Variants in STOM observed in about 807,000 individuals in gnomAD.
STOM encodes erythrocyte band 7 integral membrane protein.
Under a neutral mutation model 30.6 loss-of-function variants are expected in STOM, and 25 were observed. That is an observed-to-expected ratio of 0.82 (90% CI 0.60 to 1.14). The LOEUF (loss-of-function observed/expected upper bound fraction) is 1.14. Among genes scored for constraint, STOM ranks in the 50% most tolerant of loss-of-function variants. The pLI is 0.00. For missense variants in STOM, 292 were observed against 365.2 expected, an observed-to-expected ratio of 0.80 and a Z score of 1.63; for synonymous variants, 118 against 130.8, an observed-to-expected ratio of 0.90 and a Z score of 0.67.
chr9:121,353,616 T>C (rs925018399), intron 3 of STOM, among the ~76,000 whole-genome samples: 1 of 152,166 alleles, frequency 6.6e-6, no homozygotes, highest in African/African-American at 2.4e-5. Flanking sequence ...CTATAATCTA[T>C]TTCCTAAGCT....
chr9:121,354,112 A>C (rs2064363975), intron 3 of STOM, among the ~76,000 whole-genome samples: 1 of 152,188 alleles, frequency 6.6e-6, no homozygotes, highest in Non-Finnish European at 1.5e-5. Flanking sequence ...AGCTTAATTG[A>C]AGTTTGCCAA....
At chr9:121,342,728 T>C (rs2064257798) in intron 6 of STOM, among the ~76,000 whole-genome samples, 1 of 152,200 alleles carries the variant, frequency 6.6e-6, no homozygotes, top group African/African-American at 2.4e-5. Flanking sequence ...ATTTACAACA[T>C]GCCAGGAATT....
intron 1 of STOM, among the ~76,000 whole-genome samples, chr9:121,362,172 C>T (rs574859890): frequency 6.6e-6 from 1 of 152,238 alleles, no homozygotes; most frequent in Admixed American, 6.5e-5. Context: ...CCAGGAAACT[C>T]ACATACATTT....
chr9:121,346,117 G>A (rs2064287230), intron 6 of STOM, among the ~76,000 whole-genome samples: 2 of 152,060 alleles, frequency 1.3e-5, no homozygotes, highest in African/African-American at 4.8e-5. Flanking sequence ...AGCCTCCCCA[G>A]TAGCTGGGAT....
chr9:121,363,835 G>T (rs2064478017), intron 1 of STOM, among the ~76,000 whole-genome samples: 2 of 152,128 alleles, frequency 1.3e-5, no homozygotes, highest in East Asian at 3.8e-4. Flanking sequence ...ATTCAAATAA[G>T]GGTACATTTC....
At position 121,349,011 on chromosome 9, in the gene STOM, C is replaced by A. The variant is rs778892911; in HGVS notation, c.525+109G>T. 6 of 1,244,316 alleles carry A rather than the reference C, an allele frequency of 4.8e-6. No individual in the cohort carries two copies. In the East Asian group the frequency reaches 1.0e-4, roughly 21 times the overall value. 77.1% of individuals were successfully genotyped at this position (1,244,316 alleles called of 1,614,324 possible). ...AAATTTTACTATGAAGAAAAAAAAA[C>A]GGTCACAGACCCCCACAACTTGAAT... On this transcript the variant is annotated intron_variant, in intron 5 of 6. Coordinates refer to ENST00000286713, the MANE Select transcript of STOM (RefSeq NM_004099.6).
chr9:121,348,286 A>T, intron 5 of STOM, 137 bp from the exon 6 acceptor site: 1 of 1,229,238 alleles, frequency 8.1e-7, no homozygotes, highest in Non-Finnish European at 1.1e-6. Flanking sequence ...GGTGGAACGA[A>T]TGGTGACGCA....
Position 121,367,348 on chromosome 9 carries a change from T to C in STOM, c.61+2779A>G, listed in dbSNP as rs577932434. On this transcript the variant is annotated intron_variant, in intron 1 of 6. Transcript: ENST00000286713. ...CTAGGAATCAGTGACTGTCTTTTAC[T>C]AGGTAAAATTTATACCATCAAATGG... 1.1e-4 allele frequency among the ~76,000 whole-genome samples: 16 copies of C among 152,348 alleles called. No individual in the cohort carries two copies. In the South Asian group the frequency reaches 2.7e-3, roughly 26 times the overall value.
At chr9:121,341,433 T>C (rs764592927) in intron 6 of STOM, 25 bp from the exon 7 acceptor site, 3 of 1,611,962 alleles carry the variant, frequency 1.9e-6, no homozygotes, top group Non-Finnish European at 2.5e-6. Context: ...AAGGAGGGGT[T>C]GAACTGGAGA....
At chr9:121,352,893 C>T (rs978240392) in intron 4 of STOM, among the ~76,000 whole-genome samples, 12 of 152,106 alleles carry the variant, frequency 7.9e-5, no homozygotes, top group African/African-American at 2.9e-4. Flanking sequence ...GAGTTCGAGA[C>T]CAGCCTGGCC....
rs138655285 is a variant in STOM, at chr9:121,355,448, T to A, written c.165+605A>T. Among the ~76,000 whole-genome samples, 62 of 151,908 alleles carry A rather than the reference T, an allele frequency of 4.1e-4. No homozygotes were observed. The East Asian group carries it at 0.012, about 28-fold the overall frequency. On this transcript the variant is annotated intron_variant, in intron 2 of 6. Transcript: ENST00000286713. ...TTCAGAAACACAAAAAGCTGAAGTC[T>A]TCACAGTTTTTCTTCTGATTCCCTT...
intron 1 of STOM, among the ~76,000 whole-genome samples, chr9:121,361,005 C>A (rs1589296972): frequency 6.6e-6 from 1 of 152,326 alleles, no homozygotes; most frequent in East Asian, 1.9e-4. Context: ...CTTCACCTCT[C>A]AAAATTCTTC....
chr9:121,344,201 G>A (rs1002691731), intron 6 of STOM, among the ~76,000 whole-genome samples: 3 of 152,204 alleles, frequency 2.0e-5, no homozygotes, highest in African/African-American at 7.2e-5. Flanking sequence ...GCCTAGGTCT[G>A]TGAGAAGGGA....
chr9:121,344,731 A>C (rs2064275024), intron 6 of STOM, among the ~76,000 whole-genome samples: 1 of 152,218 alleles, frequency 6.6e-6, no homozygotes, highest in Non-Finnish European at 1.5e-5. Flanking sequence ...TGGGCAGAGG[A>C]AAAGGCAGAG....
At chr9:121,363,628 A>G (rs2064475276) in intron 1 of STOM, among the ~76,000 whole-genome samples, 1 of 152,248 alleles carries the variant, frequency 6.6e-6, no homozygotes, top group African/African-American at 2.4e-5. Flanking sequence ...GTGTAATGAA[A>G]AAGTATTCTT....
chr9:121,360,668 T>C lies in STOM; in HGVS notation c.62-4512A>G, dbSNP rs559814109. 5.3e-4 allele frequency among the ~76,000 whole-genome samples: 81 copies of C among 152,352 alleles called. 1 individual carries two copies. Among genetic ancestry groups the C allele is most frequent in the Admixed American group, 1.9e-3 (29 of 15,310 alleles). Reference sequence around the variant, plus strand: ...CAAAAGCCTCTTAAACAATTTAATTTGCCATTTGCTTCATACCTGCCCCCA... The same window carrying C: ...CAAAAGCCTCTTAAACAATTTAATTCGCCATTTGCTTCATACCTGCCCCCA... On this transcript the variant is annotated intron_variant, in intron 1 of 6. Coordinates refer to ENST00000286713, the MANE Select transcript of STOM (RefSeq NM_004099.6).
chr9:121,340,112 T>C lies in STOM; in HGVS notation c.*1090A>G. 4 of 981,708 alleles carry C rather than the reference T, an allele frequency of 4.1e-6. No individual in the cohort carries two copies. The highest frequency in any genetic ancestry group is 2.4e-6 in the Non-Finnish European group (2 of 826,568). The allele number at this position is 981,708 out of a possible 1,614,324, so 60.8% of individuals were successfully genotyped here. A position where few individuals can be genotyped will look rare whatever the true frequency, so the allele number is the denominator to read the frequency against. ...AAATTTTATTAAAAAATTAAAACTA[T>C]TTAAAACCTGATATATGAAAATAGG... On this transcript the variant is annotated 3_prime_UTR_variant, in exon 7 of 7. Transcript: ENST00000286713.
At chr9:121,367,823 G>GT (rs2064519448) in intron 1 of STOM, among the ~76,000 whole-genome samples, 1 of 152,188 alleles carries the variant, frequency 6.6e-6, no homozygotes, top group Admixed American at 6.5e-5. Flanking sequence ...CTCAACTTAA[G>GT]TAAAGTACTG....
intron 1 of STOM, among the ~76,000 whole-genome samples, chr9:121,368,669 G>A (rs1020995836): frequency 1.3e-5 from 2 of 152,128 alleles, no homozygotes; most frequent in African/African-American, 2.4e-5. Flanking sequence ...GGGGGGTCGC[G>A]GTGGCTCATG....
Sources: allele counts gnomAD v4.1 joint callset (sites outside exome capture counted in the v4.1 genomes callset), GRCh38; gene constraint gnomAD v4.1.1; transcripts MANE v1.5; gene names NCBI Gene and HGNC (gene_info 2026-07-23, HGNC 2026-07-21).